The following EXOC6B variants were observed in gnomAD, a reference collection of about 807,000 sequenced individuals.
The protein encoded by EXOC6B is SEC15 homolog B.
Under a neutral mutation model 113.5 loss-of-function variants are expected in EXOC6B, and 54 were observed. The ratio of observed to expected loss-of-function variants is 0.48; its 90% CI spans 0.38 to 0.60. The LOEUF is 0.60. Among genes scored for constraint, EXOC6B ranks in the 20% least tolerant of loss-of-function variants. EXOC6B has a pLI of 0.00. For missense variants in EXOC6B, 797 were observed against 977.5 expected (o/e 0.82, Z 2.46); for synonymous variants, 357 against 339.0 (o/e 1.05, Z -0.58).
chr2:72,464,751 C>A (rs1697931522), intron 18 of EXOC6B: 1 of 175,218 alleles, frequency 5.7e-6, no homozygotes. Context: ...AAAACATAGA[C>A]AAATTAGATA....
At chr2:72,291,659 C>CA (rs1334325339) in intron 20 of EXOC6B, among the ~76,000 whole-genome samples, 2 of 152,162 alleles carry the variant, frequency 1.3e-5, no homozygotes, top group Non-Finnish European at 2.9e-5. Context: ...GTTGATGCCA[C>CA]ATCAGTGTGA....
intron 13 of EXOC6B, among the ~76,000 whole-genome samples, chr2:72,496,904 G>A (rs560535053): frequency 6.7e-6 from 1 of 150,260 alleles, no homozygotes; most frequent in Admixed American, 6.7e-5. Flanking sequence ...CTCTAGAAAA[G>A]GCAAAGATAT....
At chr2:72,512,412 G>C (rs1405274016) in intron 11 of EXOC6B, among the ~76,000 whole-genome samples, 2 of 127,924 alleles carry the variant, frequency 1.6e-5, no homozygotes, top group Admixed American at 8.2e-5. Flanking sequence ...AGGAAGGAAG[G>C]AAGGAAGGAA....
chr2:72,656,204 A>C (rs1052346339), intron 6 of EXOC6B, among the ~76,000 whole-genome samples: 1 of 152,164 alleles, frequency 6.6e-6, no homozygotes, highest in Non-Finnish European at 1.5e-5. Context: ...AACAGGAGAG[A>C]AAAACTAATA....
At chr2:72,470,223 T>C (rs534807829) in intron 17 of EXOC6B, among the ~76,000 whole-genome samples, 8 of 152,202 alleles carry the variant, frequency 5.3e-5, no homozygotes, top group Non-Finnish European at 1.0e-4. Context: ...ATGGTATTTC[T>C]TTCCATTTGT....
chr2:72,280,664 A>C (rs1282367867), intron 20 of EXOC6B, among the ~76,000 whole-genome samples: 1 of 152,138 alleles, frequency 6.6e-6, no homozygotes, highest in Non-Finnish European at 1.5e-5. Flanking sequence ...ACCAGAGACA[A>C]ACATTTTAAA....
At chr2:72,333,093 A>C (rs1688499301) in intron 20 of EXOC6B, among the ~76,000 whole-genome samples, 1 of 152,112 alleles carries the variant, frequency 6.6e-6, no homozygotes, top group Admixed American at 6.6e-5. Context: ...GAATAGAAAG[A>C]GGCATACTCT....
At chr2:72,799,827 G>A (rs941082542) in intron 1 of EXOC6B, among the ~76,000 whole-genome samples, 11 of 152,116 alleles carry the variant, frequency 7.2e-5, no homozygotes, top group African/African-American at 2.2e-4. Flanking sequence ...CACTTTGGGA[G>A]GCCAAGGCAG....
At chr2:72,482,266 C>G (rs771821119) in intron 16 of EXOC6B, among the ~76,000 whole-genome samples, 2 of 152,202 alleles carry the variant, frequency 1.3e-5, no homozygotes, top group Admixed American at 1.3e-4. Context: ...GTATCTATTA[C>G]TTATTTCTTA....
At chr2:72,457,825 C>T (rs1029382162) in intron 18 of EXOC6B, among the ~76,000 whole-genome samples, 2 of 152,058 alleles carry the variant, frequency 1.3e-5, no homozygotes, top group African/African-American at 4.8e-5. Context: ...GATAGGCAGG[C>T]TGCCTAAGTC....
chr2:72,717,685 A>G (rs770203454), intron 6 of EXOC6B, among the ~76,000 whole-genome samples: 17 of 152,148 alleles, frequency 1.1e-4, no homozygotes, highest in Non-Finnish European at 1.3e-4. Flanking sequence ...ATACCTATTA[A>G]TATCAGAAAT....
intron 20 of EXOC6B, among the ~76,000 whole-genome samples, chr2:72,263,892 T>A (rs1447975412): frequency 6.6e-6 from 1 of 152,110 alleles, no homozygotes; most frequent in African/African-American, 2.4e-5. Flanking sequence ...CTACAGGCAC[T>A]ATAGTAAAGC....
chr2:72,534,417 A>G (rs1176361754), intron 8 of EXOC6B, among the ~76,000 whole-genome samples: 1 of 152,164 alleles, frequency 6.6e-6, no homozygotes, highest in Admixed American at 6.5e-5. Flanking sequence ...ACAGAAGAAG[A>G]GTGAAATAAT....
intron 6 of EXOC6B, among the ~76,000 whole-genome samples, chr2:72,636,488 A>AAGGAGG (rs370524817): frequency 6.9e-6 from 1 of 144,184 alleles, no homozygotes; most frequent in Non-Finnish European, 1.5e-5. Context: ...GAAGGAGGAG[A>AAGGAGG]AGGAGGAGGA....
At chr2:72,781,215 A>G (rs1238743621) in intron 1 of EXOC6B, among the ~76,000 whole-genome samples, 2 of 152,158 alleles carry the variant, frequency 1.3e-5, no homozygotes, top group Non-Finnish European at 2.9e-5. Context: ...TTTTCTTCAT[A>G]CTGTTCCTCT....
chr2:72,686,950 A>G (rs1396378746), intron 6 of EXOC6B, among the ~76,000 whole-genome samples: 1 of 152,066 alleles, frequency 6.6e-6, no homozygotes, highest in Non-Finnish European at 1.5e-5. Flanking sequence ...CATCCTGCCT[A>G]AGACAGTGAA....
At chr2:72,676,247 T>G (rs1462931323) in intron 6 of EXOC6B, among the ~76,000 whole-genome samples, 1 of 152,184 alleles carries the variant, frequency 6.6e-6, no homozygotes, top group African/African-American at 2.4e-5. Context: ...ATTTTCTGTC[T>G]CTCAACTCAG....
intron 17 of EXOC6B, among the ~76,000 whole-genome samples, chr2:72,467,767 CT>C (rs1558697893): frequency 6.6e-6 from 1 of 151,754 alleles, no homozygotes; most frequent in East Asian, 1.9e-4. Flanking sequence ...TTCTGCCATT[CT>C]TTTTTATTTA....
At chr2:72,575,418 A>C in intron 7 of EXOC6B, 74 bp downstream of exon 7, 1 of 1,356,398 alleles carries the variant, frequency 7.4e-7, no homozygotes, top group Non-Finnish European at 1.0e-6. Flanking sequence ...ATATGGATAA[A>C]CTCTTCATCA....
Sources: gnomAD v4.1 joint callset for allele counts (sites outside exome capture counted in the v4.1 genomes callset) on GRCh38, gnomAD v4.1.1 for gene constraint, MANE v1.5 for transcripts, NCBI Gene and HGNC (gene_info 2026-07-23, HGNC 2026-07-21) for gene names.